CYLD: variants seen among roughly 807,000 people sequenced by gnomAD.
The protein encoded by CYLD is ubiquitin carboxyl-terminal hydrolase CYLD.
CYLD carries 26 observed loss-of-function variants against 104.5 expected under a neutral mutation model. The observed-to-expected ratio is 0.25, with a 90% CI of 0.18 to 0.35. The LOEUF (loss-of-function observed/expected upper bound fraction) is 0.35, where lower values mean the gene tolerates loss of function less well. CYLD is among the 10% of genes least tolerant of loss of function. CYLD has a pLI of 1.00. For synonymous variants in CYLD, 385 were observed against 399.9 expected (o/e 0.96, Z 0.45); for missense variants, 703 against 1,136.1 (o/e 0.62, Z 5.48).
At chr16:50,788,217 G>C (rs542125863) in intron 14 of CYLD, among the ~76,000 whole-genome samples, 1 of 152,142 alleles carries the variant, frequency 6.6e-6, no homozygotes, top group South Asian at 2.1e-4. Context: ...ACTGTTTTCT[G>C]TCTACTCATC....
chr16:50,781,353 C>T lies in CYLD; in HGVS notation c.1626C>T (p.Asp542=). The T allele has an allele frequency of 6.2e-7, 1 of 1,613,852 alleles. No individual in the cohort carries two copies. Among genetic ancestry groups the T allele is most frequent in the Non-Finnish European group, 8.5e-7 (1 of 1,179,878 alleles). ...LFVKLKSCRP[D]SRFASLQPVS... The stretch of plus-strand genomic sequence containing the variant: ...TGAAACTGAAGAGCTGCAGGCCTGA[C>T]TCTAGGTTTGCATCATTGCAGCCGG... The change falls in exon 10 of 19, where the codon GAC becomes GAT. Residue 542 remains aspartate, a synonymous_variant. Transcript: ENST00000427738.
rs1970540768 is a variant in CYLD at position 50,783,898 on chromosome 16, T to C, written c.1827-431T>C. 2.5e-5 allele frequency: 5 copies of C among 203,622 alleles called. No homozygotes were observed. The Admixed American group carries it at 2.7e-4, about 11-fold the overall frequency. 12.6% of individuals were successfully genotyped at this position (203,622 alleles called of 1,614,324 possible). A position where few individuals can be genotyped will look rare whatever the true frequency, so the allele number is the denominator to read the frequency against. On this transcript the variant is annotated intron_variant, in intron 11 of 18. Coordinates refer to ENST00000427738, the MANE Select transcript of CYLD (RefSeq NM_001378743.1). ...GAAATTTATTAATGTAATAGATCTT[T>C]GCAAAGGGGCATGGGGAGAGGGAAG...
chr16:50,787,016 A>G, intron 13 of CYLD, 70 bp downstream of exon 13: 2 of 1,274,096 alleles, frequency 1.6e-6, no homozygotes, highest in Middle Eastern at 1.9e-4. Context: ...TATTAGCTGA[A>G]ATGTGTGTCT....
At chr16:50,792,564 C>A in intron 15 of CYLD, 33 bp from the exon 16 acceptor site, 1 of 1,486,956 alleles carries the variant, frequency 6.7e-7, no homozygotes, top group Non-Finnish European at 9.3e-7. Flanking sequence ...TTTTTTAACA[C>A]TTTGATTCTA....
chr16:50,756,980 A>G (rs75344959), intron 5 of CYLD, among the ~76,000 whole-genome samples: 11,098 of 152,190 alleles, frequency 0.073, 770 homozygotes, highest in East Asian at 0.37. Flanking sequence ...ATAGAAAACC[A>G]TACTTCTCAG....
intron 9 of CYLD, among the ~76,000 whole-genome samples, 167 bp from the exon 10 acceptor site, chr16:50,781,079 G>A (rs1021386329): frequency 6.6e-6 from 1 of 152,222 alleles, no homozygotes; most frequent in Non-Finnish European, 1.5e-5. Context: ...GCTGTGGGCT[G>A]AAGCACTGAT....
At chr16:50,788,818 G>A (rs1446615316) in intron 14 of CYLD, among the ~76,000 whole-genome samples, 1 of 151,976 alleles carries the variant, frequency 6.6e-6, no homozygotes, top group Non-Finnish European at 1.5e-5. Context: ...ATATGAAAAA[G>A]TAATTTAATA....
At chr16:50,783,492 A>G (rs998367999) in intron 11 of CYLD, among the ~76,000 whole-genome samples, 5 of 152,168 alleles carry the variant, frequency 3.3e-5, no homozygotes, top group Non-Finnish European at 2.9e-5. Flanking sequence ...ATAAAAATCT[A>G]TATTAGCTAA....
At chr16:50,763,229 T>G (rs1968146747) in intron 5 of CYLD, among the ~76,000 whole-genome samples, 2 of 152,236 alleles carry the variant, frequency 1.3e-5, no homozygotes, top group African/African-American at 4.8e-5. Flanking sequence ...CAGAATAATA[T>G]TCCATTGTAT....
rs1972070265 is a variant in CYLD at position 50,796,577 on chromosome 16, A to G, written c.*69A>G. The G allele has an allele frequency of 2.0e-6, 3 of 1,508,528 alleles. No individual in the cohort carries two copies. The highest frequency in any genetic ancestry group is 2.7e-6 in the Non-Finnish European group (3 of 1,095,814). The allele number at this position is 1,508,528 out of a possible 1,614,324, so 93.4% of individuals were successfully genotyped here. ...AACGTTGCATCTTATTCGAGCTGGC[A>G]GTTCTGTTCACGTCCATTGCCGGCA... On this transcript the variant is annotated 3_prime_UTR_variant, in exon 19 of 19. Coordinates refer to ENST00000427738, the MANE Select transcript of CYLD (RefSeq NM_001378743.1).
chr16:50,793,773 T>A, intron 17 of CYLD, 109 bp downstream of exon 17: 1 of 815,940 alleles, frequency 1.2e-6, no homozygotes, highest in Non-Finnish European at 2.1e-6. Context: ...AATTAACGGT[T>A]AAAAATTCAC....
intron 18 of CYLD, chr16:50,795,577 T>C (rs1971952241): frequency 1.4e-6 from 1 of 702,862 alleles, no homozygotes; most frequent in African/African-American, 1.7e-5. Flanking sequence ...CCCCACGGCC[T>C]TCTGGTGTGG....
chr16:50,798,027 A>G lies in CYLD; in HGVS notation c.*1519A>G, dbSNP rs1972186507. 1 of 232,204 alleles carries G rather than the reference A, an allele frequency of 4.3e-6. No homozygotes were observed. The highest frequency in any genetic ancestry group is 2.2e-5 in the African/African-American group (1 of 45,276). 14.4% of individuals were successfully genotyped at this position (232,204 alleles called of 1,614,324 possible). A position where few individuals can be genotyped will look rare whatever the true frequency, so the allele number is the denominator to read the frequency against. ...GATGATTAGATCAGGGGTGAGGCTGAGAGACTCTGGGTTTAGGGCTAGCCC... is the reference window on the plus strand; with the variant it reads ...GATGATTAGATCAGGGGTGAGGCTGGGAGACTCTGGGTTTAGGGCTAGCCC... On this transcript the variant is annotated 3_prime_UTR_variant, in exon 19 of 19. Transcript: ENST00000427738.
intron 4 of CYLD, among the ~76,000 whole-genome samples, chr16:50,753,803 A>G (rs1966811190): frequency 6.6e-6 from 1 of 152,242 alleles, no homozygotes; most frequent in Non-Finnish European, 1.5e-5. Context: ...AGATTCCTAT[A>G]TGCTCATAAA....
At chr16:50,777,711 A>G (rs999003638) in intron 7 of CYLD, 114 bp from the exon 8 acceptor site, 7 of 686,210 alleles carry the variant, frequency 1.0e-5, no homozygotes, top group Non-Finnish European at 1.3e-5. Flanking sequence ...ATATACATTT[A>G]TTGGTTATGT....
At chr16:50,789,887 A>G (rs949396624) in intron 14 of CYLD, among the ~76,000 whole-genome samples, 3 of 152,216 alleles carry the variant, frequency 2.0e-5, no homozygotes, top group Non-Finnish European at 4.4e-5. Context: ...AATAGAAACC[A>G]TATCATGATG....
intron 5 of CYLD, among the ~76,000 whole-genome samples, chr16:50,760,669 T>A (rs1353098159): frequency 6.6e-6 from 1 of 152,118 alleles, no homozygotes; most frequent in Non-Finnish European, 1.5e-5. Context: ...CGGAAAAAAA[T>A]TTCATAATTT....
rs1227069846 is a variant in CYLD at position 50,794,434 on chromosome 16, G to GA, written c.2686+10dup. 1 of 1,613,984 alleles carries GA rather than the reference G, an allele frequency of 6.2e-7. No homozygotes were observed. The highest frequency in any genetic ancestry group is 8.5e-7 in the Non-Finnish European group (1 of 1,179,906). The stretch of plus-strand genomic sequence containing the variant: ...CAGCATGGCCGATCGGGATGGTACT[G>GA]AAAACGCCTTTCTTCTGCATGTGGC... On this transcript the variant is annotated splice_region_variant and intron_variant, in intron 18 of 18. Transcript: ENST00000427738. The surrounding 1 kb of genome is among the most constrained non-coding windows in gnomAD (Gnocchi z 4.1).
rs1969826149 is a variant in CYLD, at chr16:50,777,709, T to G, written c.1022-116T>G. On this transcript the variant is annotated intron_variant, in intron 7 of 18. Coordinates refer to ENST00000427738, the MANE Select transcript of CYLD (RefSeq NM_001378743.1). The stretch of plus-strand genomic sequence containing the variant: ...AAAAACATATTGTGTTTATATACAT[T>G]TATTGGTTATGTAAACAGTTATTAA... 3 of 682,434 alleles carry G rather than the reference T, an allele frequency of 4.4e-6. No individual in the cohort carries two copies. In the African/African-American group the frequency reaches 5.5e-5, roughly 12 times the overall value. The allele number at this position is 682,434 out of a possible 1,614,324, so 42.3% of individuals were successfully genotyped here. A position where few individuals can be genotyped will look rare whatever the true frequency, so the allele number is the denominator to read the frequency against.
Sources: allele counts gnomAD v4.1 joint callset (sites outside exome capture counted in the v4.1 genomes callset), GRCh38; gene constraint gnomAD v4.1.1; non-coding constraint Gnocchi (gnomAD v3.1); transcripts MANE v1.5; gene names NCBI Gene and HGNC (gene_info 2026-07-23, HGNC 2026-07-21).